POF1B: variants seen among roughly 807,000 people sequenced by gnomAD.
POF1B encodes protein POF1B.
A neutral mutation model predicts 55.3 loss-of-function variants in POF1B; 53 were observed. That is an observed-to-expected ratio of 0.96 (90% CI 0.77 to 1.20). The LOEUF (loss-of-function observed/expected upper bound fraction) is 1.20, where lower values mean the gene tolerates loss of function less well. Among genes scored for constraint, POF1B ranks in the 50% most tolerant of loss-of-function variants. POF1B has a pLI of 0.00. For missense variants in POF1B, 478 were observed against 420.5 expected, an observed-to-expected ratio of 1.14 and a Z score of -1.20; for synonymous variants, 188 against 148.3, an observed-to-expected ratio of 1.27 and a Z score of -1.95.
chrX:85,331,583 G>T (rs1165949664), intron 6 of POF1B, among the ~76,000 whole-genome samples: 1 of 110,803 alleles, frequency 9.0e-6, no homozygotes, highest in Admixed American at 9.6e-5. Flanking sequence ...TTTCTTCATG[G>T]TGAGAACATT....
At chrX:85,334,427 C>T (rs1477419207) in intron 6 of POF1B, among the ~76,000 whole-genome samples, 3 of 111,262 alleles carry the variant, frequency 2.7e-5, no homozygotes, top group East Asian at 2.8e-4. Flanking sequence ...TAAACATATA[C>T]GGATACACAA....
intron 2 of POF1B, among the ~76,000 whole-genome samples, chrX:85,372,773 C>CTATATATATATATA (rs200507402): frequency 7.2e-5 from 7 of 96,749 alleles, no homozygotes; most frequent in African/African-American, 2.6e-4. Flanking sequence ...ATTATATATA[C>CTATATATATATATA]TATATATATA....
At chrX:85,284,752 A>G (rs1163781858) in intron 15 of POF1B, among the ~76,000 whole-genome samples, 1 of 111,933 alleles carries the variant, frequency 8.9e-6, no homozygotes, top group Non-Finnish European at 1.9e-5. Context: ...GTGGGCAAAG[A>G]CTTCATGACT....
chrX:85,292,454 C>T (rs759328116), intron 15 of POF1B, among the ~76,000 whole-genome samples: 6 of 111,445 alleles, frequency 5.4e-5, no homozygotes, highest in African/African-American at 1.3e-4. Context: ...CCTCATAGAA[C>T]GAGCTAGGGA....
intron 6 of POF1B, among the ~76,000 whole-genome samples, chrX:85,337,387 T>C (rs769705879): frequency 8.9e-5 from 10 of 111,837 alleles, no homozygotes; most frequent in Admixed American, 1.9e-4. Context: ...GTTTTTCCTA[T>C]CCTCATCAGT....
intron 15 of POF1B, among the ~76,000 whole-genome samples, chrX:85,282,606 A>G (rs1282583298): frequency 2.7e-5 from 3 of 111,160 alleles, no homozygotes; most frequent in Non-Finnish European, 5.7e-5. Context: ...TATGGGCCCT[A>G]CAAGTGCCTA....
At chrX:85,366,627 A>C (rs1178863454) in intron 3 of POF1B, among the ~76,000 whole-genome samples, 1 of 111,661 alleles carries the variant, frequency 9.0e-6, no homozygotes, top group Non-Finnish European at 1.9e-5. Flanking sequence ...ATTTAAGTGA[A>C]TCAATCTCAC....
At chrX:85,291,294 T>A (rs1036034040) in intron 15 of POF1B, among the ~76,000 whole-genome samples, 10 of 111,872 alleles carry the variant, frequency 8.9e-5, no homozygotes, top group African/African-American at 3.2e-4. Context: ...TTGGTCTATG[T>A]ATCTGTTCTT....
intron 7 of POF1B, among the ~76,000 whole-genome samples, chrX:85,316,116 C>A (rs1427012164): frequency 1.8e-5 from 2 of 111,176 alleles, no homozygotes; most frequent in Admixed American, 9.6e-5. Flanking sequence ...CCTTCATTTT[C>A]TCCTTGTATG....
At chrX:85,371,831 T>A (rs992015804) in intron 2 of POF1B, among the ~76,000 whole-genome samples, 1 of 111,556 alleles carries the variant, frequency 9.0e-6, no homozygotes, top group Non-Finnish European at 1.9e-5. Flanking sequence ...GTAAAACGCG[T>A]GGTACATTTA....
intron 6 of POF1B, among the ~76,000 whole-genome samples, chrX:85,335,749 G>C (rs913399126): frequency 9.4e-6 from 1 of 106,168 alleles, no homozygotes; most frequent in African/African-American, 3.4e-5. Flanking sequence ...CATATTTATG[G>C]GATGTTTGAG....
At chrX:85,320,646 C>A (rs1183990705) in intron 7 of POF1B, among the ~76,000 whole-genome samples, 1 of 111,376 alleles carries the variant, frequency 9.0e-6, no homozygotes, top group Non-Finnish European at 1.9e-5. Flanking sequence ...ATTAATGAAT[C>A]CAGGAGCTGA....
At chrX:85,298,899 A>C (rs1932372101) in intron 15 of POF1B, among the ~76,000 whole-genome samples, 1 of 108,025 alleles carries the variant, frequency 9.3e-6, no homozygotes, top group East Asian at 3.0e-4. Context: ...TGAGAATACA[A>C]AGAACTAAAA....
intron 15 of POF1B, among the ~76,000 whole-genome samples, chrX:85,302,198 G>A: frequency 9.0e-6 from 1 of 111,129 alleles, no homozygotes; most frequent in East Asian, 2.8e-4. Flanking sequence ...TGCAAATCTT[G>A]TCTCTGATAA....
At position 85,309,381 on chromosome X, in the gene POF1B, G is replaced by GA. The variant is rs1011332055; in HGVS notation, c.958-1166dup. Among the ~76,000 whole-genome samples, 9 of 107,916 alleles carry GA rather than the reference G, an allele frequency of 8.3e-5. No homozygotes were observed. In the East Asian group the frequency reaches 1.2e-3, roughly 14 times the overall value. 93.7% of individuals were successfully genotyped at this position (107,916 alleles called of 115,157 possible). A position where few individuals can be genotyped will look rare whatever the true frequency, so the allele number is the denominator to read the frequency against. On this transcript the variant is annotated intron_variant, in intron 9 of 16. Transcript: ENST00000262753. Reference sequence around the variant, plus strand: ...ACAAAAAAAAAAAAGAAAGAAAAAAGAAAAAAAATACTTTTCCCTAGCCTT... The same window carrying GA: ...ACAAAAAAAAAAAAGAAAGAAAAAAGAAAAAAAAATACTTTTCCCTAGCCTT...
intron 6 of POF1B, among the ~76,000 whole-genome samples, chrX:85,331,682 A>AT (rs1393526258): frequency 9.1e-6 from 1 of 110,348 alleles, no homozygotes; most frequent in Non-Finnish European, 1.9e-5. Context: ...ACTGGAACTT[A>AT]TTTTTTTCTA....
intron 2 of POF1B, among the ~76,000 whole-genome samples, chrX:85,369,958 A>G (rs1023375723): frequency 8.9e-6 from 1 of 112,198 alleles, no homozygotes; most frequent in Non-Finnish European, 1.9e-5. Context: ...CATGGTTAGT[A>G]TCTGGTAGCT....
rs1455448408 is a variant in POF1B at position 85,343,045 on chromosome X, T to C, written c.723+2815A>G. Among the ~76,000 whole-genome samples, 6 of 6,285 alleles carry C rather than the reference T, an allele frequency of 9.5e-4. No individual in the cohort carries two copies. In the South Asian group the frequency reaches 0.041, roughly 42 times the overall value. 5.5% of individuals were successfully genotyped at this position (6,285 alleles called of 115,157 possible). A position where few individuals can be genotyped will look rare whatever the true frequency, so the allele number is the denominator to read the frequency against. Reference sequence around the variant, plus strand: ...TATAAAATATTGAAAAAGCTGGGGGTGGGGGGCTGGGGAGGGATAGCATTG... The same window carrying C: ...TATAAAATATTGAAAAAGCTGGGGGCGGGGGGCTGGGGAGGGATAGCATTG... On this transcript the variant is annotated intron_variant, in intron 6 of 16. Coordinates refer to ENST00000262753, the MANE Select transcript of POF1B (RefSeq NM_024921.4).
rs757887824 is a variant in POF1B at position 85,303,455 on chromosome X, A to G, written c.1600T>C (p.Ser534Pro). 3 of 1,192,419 alleles carry G rather than the reference A, an allele frequency of 2.5e-6. No homozygotes were observed. The highest frequency in any genetic ancestry group is 3.5e-5 in the African/African-American group (2 of 56,499). Residue 534 changes from serine to proline, a missense_variant, in exon 15 of 17, where the codon TCT (serine) becomes CCT (proline). Coordinates refer to ENST00000262753, the MANE Select transcript of POF1B (RefSeq NM_024921.4). ...CCACCAGTGGAGGGTTGGTTATGAG[A>G]GGAATATATTTCTTGCCGCAACTTG... ...LSKLRQEIYS[S>P]HNQPSTGGRT...
Sources: gnomAD v4.1 joint callset for allele counts (sites outside exome capture counted in the v4.1 genomes callset) on GRCh38, gnomAD v4.1.1 for gene constraint, MANE v1.5 for transcripts, NCBI Gene and HGNC (gene_info 2026-07-23, HGNC 2026-07-21) for gene names.